The following XG variants were observed in gnomAD, a reference collection of about 807,000 sequenced individuals.
The protein encoded by XG is glycoprotein Xg.
XG carries 24 observed loss-of-function variants against 25.7 expected under a neutral mutation model. The ratio of observed to expected loss-of-function variants is 0.93; its 90% CI spans 0.68 to 1.31. The LOEUF (loss-of-function observed/expected upper bound fraction) is 1.31, where lower values mean the gene tolerates loss of function less well. XG is among the 40% of genes most tolerant of loss of function. The probability of loss-of-function intolerance (pLI) is 0.00; values close to 1 mark genes in which losing one functional copy is unlikely to be tolerated. For synonymous variants in XG, 77 were observed against 69.2 expected, an observed-to-expected ratio of 1.11 and a Z score of -0.56; for missense variants, 181 against 187.6, an observed-to-expected ratio of 0.96 and a Z score of 0.21.
At chrX:2,780,409 CTTTT>C (rs761736293) in intron 3 of XG, among the ~76,000 whole-genome samples, 1 of 122,528 alleles carries the variant, frequency 8.2e-6, no homozygotes, top group East Asian at 2.4e-4. Context: ...AACAATTGGG[CTTTT>C]TTTTTTTTTT....
At chrX:2,757,986 A>AGG (rs2050473348) in intron 1 of XG, among the ~76,000 whole-genome samples, 1 of 149,472 alleles carries the variant, frequency 6.7e-6, no homozygotes. Context: ...AAAAAAAAAA[A>AGG]AAAAAAAAAA....
At chrX:2,775,830 T>A (rs1290060498) in intron 3 of XG, among the ~76,000 whole-genome samples, 11 of 150,596 alleles carry the variant, frequency 7.3e-5, no homozygotes, top group Admixed American at 7.3e-4. Flanking sequence ...ATGGCACATG[T>A]CTGTAATCCC....
intron 6 of XG, among the ~76,000 whole-genome samples, 160 bp downstream of exon 6, chrX:2,794,763 G>A (rs1391550645): frequency 8.9e-6 from 1 of 112,212 alleles, no homozygotes; most frequent in Non-Finnish European, 1.9e-5. Flanking sequence ...CCCCATGGCC[G>A]CATCAGTGGG....
At chrX:2,766,053 G>C (rs1381515704) in intron 1 of XG, among the ~76,000 whole-genome samples, 20 of 152,228 alleles carry the variant, frequency 1.3e-4, no homozygotes, top group African/African-American at 4.1e-4. Flanking sequence ...TGTAGAAATA[G>C]GGTTGGACAA....
chrX:2,790,252 G>A (rs1285476277), intron 5 of XG, among the ~76,000 whole-genome samples: 1 of 111,295 alleles, frequency 9.0e-6, no homozygotes, highest in Non-Finnish European at 1.9e-5. Context: ...TGTAATCCCA[G>A]CACTTTGGGA....
At chrX:2,777,857 G>A (rs28760576) in intron 3 of XG, among the ~76,000 whole-genome samples, 1,813 of 151,716 alleles carry the variant, frequency 0.012, 12 homozygotes, top group Middle Eastern at 0.028. Flanking sequence ...TCAGGAGATC[G>A]AGACCATCCT....
At chrX:2,763,109 T>C (rs1311340623) in intron 1 of XG, among the ~76,000 whole-genome samples, 2 of 152,310 alleles carry the variant, frequency 1.3e-5, no homozygotes, top group African/African-American at 4.8e-5. Context: ...CAGCACCTCC[T>C]GGGTTCAAGT....
At chrX:2,778,380 A>C (rs1291459644) in intron 3 of XG, among the ~76,000 whole-genome samples, 1 of 151,980 alleles carries the variant, frequency 6.6e-6, no homozygotes, top group Non-Finnish European at 1.5e-5. Context: ...CCATCTTTAC[A>C]AAAAAATTAA....
chrX:2,755,750 G>A (rs909359473), intron 1 of XG, among the ~76,000 whole-genome samples: 7 of 152,098 alleles, frequency 4.6e-5, no homozygotes, highest in African/African-American at 1.7e-4. Flanking sequence ...TGCAGCAGCT[G>A]GGTATGTCCT....
rs758056899 is a variant in XG, at chrX:2,770,018, GAGGGGT to G, written c.62-531_62-526del. ...TCAACCTAGACTCTGTGCGTGTGTGGAGGGGTGGGGGGGGCGTTGGGGGGCGGGGAT... is the reference window on the plus strand; with the variant it reads ...TCAACCTAGACTCTGTGCGTGTGTGGGGGGGGGGCGTTGGGGGGCGGGGAT... On this transcript the variant is annotated intron_variant, in intron 1 of 10. Transcript: ENST00000644266. Among the ~76,000 whole-genome samples, 162 of 123,872 alleles carry G rather than the reference GAGGGGT, an allele frequency of 1.3e-3. 2 individuals carry two copies. The highest frequency in any genetic ancestry group is 3.2e-3 in the African/African-American group (113 of 35,648). The allele number at this position is 123,872 out of a possible 152,430, so 81.3% of individuals were successfully genotyped here.
chrX:2,799,458 T>C (rs1286420082), intron 7 of XG, among the ~76,000 whole-genome samples: 1 of 111,817 alleles, frequency 8.9e-6, no homozygotes, highest in East Asian at 2.8e-4. Flanking sequence ...AAAAGAGTTA[T>C]TCATGCTTTT....
intron 1 of XG, among the ~76,000 whole-genome samples, chrX:2,763,843 A>G (rs2050617986): frequency 3.3e-5 from 5 of 152,216 alleles, no homozygotes; most frequent in Admixed American, 2.0e-4. Context: ...TGCAATCCCA[A>G]TGGCGGTGTT....
At chrX:2,772,929 T>TCACCTGCATGG (rs1446576840) in intron 2 of XG, among the ~76,000 whole-genome samples, 3 of 152,168 alleles carry the variant, frequency 2.0e-5, no homozygotes, top group Non-Finnish European at 4.4e-5. Context: ...GGAACCACAG[T>TCACCTGCATGG]CACCTGCATG....
Position 2,794,614 on chromosome X carries a change from A to G in XG, c.322+11A>G, listed in dbSNP as rs1007683667. On this transcript the variant is annotated intron_variant, in intron 6 of 10. Coordinates refer to ENST00000644266, the MANE Select transcript of XG (RefSeq NM_001141919.2). ...CACGGCCGCCTGCAGGTAGGTGCCG[A>G]GCCTCCCCAGATGCGACACATTGAA... The G allele has an allele frequency of 2.5e-6, 3 of 1,208,032 alleles. No individual in the cohort carries two copies. In the Admixed American group the frequency reaches 6.6e-5, roughly 27 times the overall value.
At chrX:2,761,932 A>G (rs1363413483) in intron 1 of XG, among the ~76,000 whole-genome samples, 1 of 152,170 alleles carries the variant, frequency 6.6e-6, no homozygotes, top group Non-Finnish European at 1.5e-5. Flanking sequence ...CTGGGAAGCC[A>G]TTACCAAGTC....
chrX:2,786,260 C>CTTTTTTTTTTTTTTTTTTTTTTTTTTTT (rs1179667048), intron 4 of XG, among the ~76,000 whole-genome samples: 3 of 60,571 alleles, frequency 5.0e-5, no homozygotes, highest in African/African-American at 2.1e-4. Flanking sequence ...TCCATGTTGT[C>CTTTTTTTTTTTTTTTTTTTTTTTTTTTT]TTTTTTTTTT....
At chrX:2,782,273 G>C in intron 4 of XG, 145 bp downstream of exon 4, 1 of 677,580 alleles carries the variant, frequency 1.5e-6, no homozygotes, top group Admixed American at 2.9e-5. Flanking sequence ...TCCTCACTGG[G>C]GGGAGCAAGA....
At chrX:2,754,362 A>G (rs371507433) in intron 1 of XG, among the ~76,000 whole-genome samples, 16 of 152,172 alleles carry the variant, frequency 1.1e-4, no homozygotes, top group African/African-American at 3.1e-4. Context: ...GGCCTCCCCA[A>G]ATCTTGAGAT....
chrX:2,795,093 G>T (rs1381862835), intron 6 of XG, among the ~76,000 whole-genome samples: 1 of 109,073 alleles, frequency 9.2e-6, no homozygotes, highest in Non-Finnish European at 1.9e-5. Context: ...TATATATACA[G>T]TACGTGGATA....
Sources: gnomAD v4.1 joint callset for allele counts (sites outside exome capture counted in the v4.1 genomes callset) on GRCh38, gnomAD v4.1.1 for gene constraint, MANE v1.5 for transcripts, NCBI Gene and HGNC (gene_info 2026-07-23, HGNC 2026-07-21) for gene names.